Variants in NKAIN3 observed in about 807,000 individuals in gnomAD.
NKAIN3 encodes the protein sodium/potassium-transporting ATPase subunit beta-1-interacting protein 3.
In NKAIN3, 25 loss-of-function variants were observed where a neutral mutation model predicts 30.2. That is an observed-to-expected ratio of 0.83 (90% confidence interval 0.60 to 1.16). The LOEUF (loss-of-function observed/expected upper bound fraction) is 1.16, where lower values mean the gene tolerates loss of function less well. NKAIN3 is among the 50% of genes most tolerant of loss of function. The pLI is 0.00. For missense variants in NKAIN3, 225 were observed against 254.1 expected, an observed-to-expected ratio of 0.89 and a Z score of 0.78; for synonymous variants, 91 against 89.6, an observed-to-expected ratio of 1.02 and a Z score of -0.09.
chr8:62,770,341 G>C (rs1410185720), intron 4 of NKAIN3, among the ~76,000 whole-genome samples: 1 of 152,200 alleles, frequency 6.6e-6, no homozygotes, highest in Admixed American at 6.5e-5. Context: ...GGCTTTAGGT[G>C]TGTCTTAGTC....
intron 4 of NKAIN3, among the ~76,000 whole-genome samples, chr8:62,801,935 G>A (rs1293313347): frequency 1.3e-5 from 2 of 152,324 alleles, no homozygotes; most frequent in South Asian, 4.1e-4. Flanking sequence ...GGAGCTGATG[G>A]AGCTGAAAGC....
At chr8:62,677,412 C>T (rs539280847) in intron 3 of NKAIN3, among the ~76,000 whole-genome samples, 5 of 152,300 alleles carry the variant, frequency 3.3e-5, no homozygotes, top group African/African-American at 9.6e-5. Context: ...GGGGGCATAA[C>T]TCAGGGATAC....
chr8:62,906,572 T>C (rs1821785154), intron 4 of NKAIN3, among the ~76,000 whole-genome samples: 1 of 152,202 alleles, frequency 6.6e-6, no homozygotes. Flanking sequence ...TTCTCACATG[T>C]CATGGGAGGG....
chr8:62,451,825 G>T (rs1021061197), intron 1 of NKAIN3, among the ~76,000 whole-genome samples: 1 of 152,128 alleles, frequency 6.6e-6, no homozygotes, highest in Admixed American at 6.5e-5. Flanking sequence ...AGCCTAGAAA[G>T]CTTCAGAAAT....
intron 1 of NKAIN3, among the ~76,000 whole-genome samples, chr8:62,331,004 C>T (rs980758492): frequency 1.3e-5 from 2 of 148,484 alleles, no homozygotes; most frequent in Non-Finnish European, 1.5e-5. Context: ...CTCTCTTTCT[C>T]TCTCTCTCTA....
chr8:62,306,488 C>T (rs553138314), intron 1 of NKAIN3, among the ~76,000 whole-genome samples: 3 of 147,778 alleles, frequency 2.0e-5, no homozygotes, highest in East Asian at 2.0e-4. Context: ...TGACTGTATT[C>T]GTAAATTAAA....
At chr8:62,859,329 A>G (rs923812258) in intron 4 of NKAIN3, among the ~76,000 whole-genome samples, 1 of 151,994 alleles carries the variant, frequency 6.6e-6, no homozygotes, top group Non-Finnish European at 1.5e-5. Context: ...ACCCCAGTTC[A>G]TAACCAAGCC....
intron 1 of NKAIN3, among the ~76,000 whole-genome samples, chr8:62,293,984 G>A (rs1813741187): frequency 6.6e-6 from 1 of 152,168 alleles, no homozygotes; most frequent in African/African-American, 2.4e-5. Context: ...TTCCATCTCA[G>A]ACTGCTGTGC....
intron 3 of NKAIN3, among the ~76,000 whole-genome samples, chr8:62,611,390 C>CT (rs1235501801): frequency 6.6e-6 from 1 of 152,062 alleles, no homozygotes; most frequent in Admixed American, 6.6e-5. Flanking sequence ...GTACTAAGGT[C>CT]TTAGTCATTC....
At chr8:62,285,157 T>C (rs1813339180) in intron 1 of NKAIN3, among the ~76,000 whole-genome samples, 1 of 152,084 alleles carries the variant, frequency 6.6e-6, no homozygotes, top group Admixed American at 6.6e-5. Flanking sequence ...GATGCTAATG[T>C]CCCCCAAATC....
intron 4 of NKAIN3, chr8:62,864,271 G>A (rs1434652165): frequency 5.4e-6 from 6 of 1,114,754 alleles, no homozygotes; most frequent in Non-Finnish European, 6.7e-6. Flanking sequence ...GACGGCAAAG[G>A]ACAATGCTGA....
intron 3 of NKAIN3, among the ~76,000 whole-genome samples, chr8:62,670,948 A>G (rs949438493): frequency 6.6e-6 from 1 of 151,916 alleles, no homozygotes; most frequent in African/African-American, 2.4e-5. Flanking sequence ...CCAGTGAGGT[A>G]TCTGTTCCAG....
intron 1 of NKAIN3, among the ~76,000 whole-genome samples, chr8:62,281,625 G>T (rs958548390): frequency 6.6e-6 from 1 of 152,038 alleles, no homozygotes; most frequent in Non-Finnish European, 1.5e-5. Flanking sequence ...GCTTCATTTC[G>T]TCATGTACCC....
At position 62,249,054 on chromosome 8, in the gene NKAIN3, G is replaced by T. The variant is rs1811990393; in HGVS notation, c.-20G>T. On this transcript the variant is annotated 5_prime_UTR_variant, in exon 1 of 7. Coordinates refer to ENST00000623646, the MANE Select transcript of NKAIN3 (RefSeq NM_001304533.3). ...ACGAGGATCTCTGGCAGTCAGCGCC[G>T]CTCGGACGCCGCCGGCACCATGGGC... The T allele has an allele frequency of 2.0e-5, 30 of 1,532,684 alleles. No individual in the cohort carries two copies. The highest frequency in any genetic ancestry group is 2.6e-5 in the Non-Finnish European group (30 of 1,142,048). The allele number at this position is 1,532,684 out of a possible 1,614,324, so 94.9% of individuals were successfully genotyped here. A position where few individuals can be genotyped will look rare whatever the true frequency, so the allele number is the denominator to read the frequency against.
At chr8:62,352,929 A>G (rs1816227747) in intron 1 of NKAIN3, among the ~76,000 whole-genome samples, 1 of 152,220 alleles carries the variant, frequency 6.6e-6, no homozygotes, top group Non-Finnish European at 1.5e-5. Context: ...TTCTCAGGAC[A>G]TTCAGGCAGA....
intron 4 of NKAIN3, chr8:62,857,016 G>A (rs1820080896): frequency 1.9e-6 from 1 of 518,056 alleles, no homozygotes; most frequent in African/African-American, 2.0e-5. Flanking sequence ...CTTGCTTCAA[G>A]GTTCTCTTCT....
intron 6 of NKAIN3, among the ~76,000 whole-genome samples, chr8:62,954,664 T>C (rs1360218021): frequency 1.4e-4 from 21 of 152,208 alleles, no homozygotes; most frequent in Admixed American, 1.4e-3. Flanking sequence ...ACTCCATTCC[T>C]AGAAAATTCC....
intron 1 of NKAIN3, among the ~76,000 whole-genome samples, chr8:62,338,902 TG>T (rs1444877002): frequency 1.3e-5 from 2 of 151,988 alleles, no homozygotes; most frequent in African/African-American, 4.8e-5. Flanking sequence ...CTGACTCAAA[TG>T]TTAATCTCTT....
Position 62,862,378 on chromosome 8 carries a change from T to C in NKAIN3, c.472-56075T>C, listed in dbSNP as rs376402317. On this transcript the variant is annotated intron_variant, in intron 4 of 6. Transcript: ENST00000623646. ...ATATCACATAGAAAATCATGATTATTTGTAGGTAAAACAAAGTGAAAACTA... is the reference window on the plus strand; with the variant it reads ...ATATCACATAGAAAATCATGATTATCTGTAGGTAAAACAAAGTGAAAACTA... Among the ~76,000 whole-genome samples, 14 of 152,038 alleles carry C rather than the reference T, an allele frequency of 9.2e-5. 1 individual carries two copies. The East Asian group carries it at 1.9e-3, about 21-fold the overall frequency.
Sources: gnomAD v4.1 joint callset for allele counts (sites outside exome capture counted in the v4.1 genomes callset) on GRCh38, gnomAD v4.1.1 for gene constraint, MANE v1.5 for transcripts, NCBI Gene and HGNC (gene_info 2026-07-23, HGNC 2026-07-21) for gene names.